The following PREX2 variants were observed in gnomAD, a reference collection of about 807,000 sequenced individuals.
The protein encoded by PREX2 is phosphatidylinositol-3,4,5-trisphosphate dependent Rac exchange factor 2, also known as phosphatidylinositol 3,4,5-trisphosphate-dependent Rac exchanger 2 protein.
A neutral mutation model predicts 203.2 loss-of-function variants in PREX2; 107 were observed. That is an observed-to-expected ratio of 0.53 (90% CI 0.45 to 0.62). PREX2 has a LOEUF of 0.62. PREX2 is among the 20% of genes least tolerant of loss of function. PREX2 has a pLI of 0.00. For synonymous variants in PREX2, 672 were observed against 663.6 expected (o/e 1.01, Z -0.19); for missense variants, 1,777 against 1,955.9 (o/e 0.91, Z 1.72).
chr8:67,972,158 G>A lies in PREX2; in HGVS notation c.141+19623G>A, dbSNP rs191350794. Among the ~76,000 whole-genome samples the A allele has an allele frequency of 2.2e-3, 334 of 152,288 alleles. 1 individual carries two copies. The highest frequency in any genetic ancestry group is 7.1e-3 in the African/African-American group (293 of 41,556). On this transcript the variant is annotated intron_variant, in intron 1 of 39. Coordinates refer to ENST00000288368, the MANE Select transcript of PREX2 (RefSeq NM_024870.4). ...AAAGATATAATTAAAGTTCACTGCC[G>A]TGAGGGGCTCAGGTGTCTTTACTTT...
At position 68,236,519 on chromosome 8, in the gene PREX2, A is replaced by G. The variant is rs1480574835; in HGVS notation, c.*5141A>G. On this transcript the variant is annotated 3_prime_UTR_variant, in exon 40 of 40. Transcript: ENST00000288368. ...ACACAAACCTAATATCATATATACA[A>G]ATATACTGTATGTAGCCAAGAACAC... 1.7e-4 allele frequency: 26 copies of G among 152,170 alleles called. No homozygotes were observed. Among genetic ancestry groups the G allele is most frequent in the Admixed American group, 1.7e-3 (26 of 15,264 alleles). The allele number at this position is 152,170 out of a possible 1,614,324, so 9.4% of individuals were successfully genotyped here. A position where few individuals can be genotyped will look rare whatever the true frequency, so the allele number is the denominator to read the frequency against.
intron 19 of PREX2, among the ~76,000 whole-genome samples, chr8:68,088,168 T>G (rs1161808191): frequency 1.3e-5 from 2 of 152,210 alleles, no homozygotes; most frequent in Non-Finnish European, 1.5e-5. Context: ...AGGTTTAAAG[T>G]TGATCTGTGG....
At chr8:67,961,120 T>G (rs1294063571) in intron 1 of PREX2, among the ~76,000 whole-genome samples, 1 of 151,954 alleles carries the variant, frequency 6.6e-6, no homozygotes, top group Non-Finnish European at 1.5e-5. Context: ...GTGATTATAG[T>G]TTCCTCAGCA....
intron 33 of PREX2, among the ~76,000 whole-genome samples, chr8:68,145,107 CTTTAT>C (rs1466011738): frequency 6.6e-6 from 1 of 151,944 alleles, no homozygotes; most frequent in African/African-American, 2.4e-5. Flanking sequence ...TTCTTTTAGT[CTTTAT>C]TTTAGAAATC....
intron 1 of PREX2, among the ~76,000 whole-genome samples, chr8:68,003,986 C>T (rs1252142596): frequency 6.6e-6 from 1 of 151,806 alleles, no homozygotes; most frequent in Non-Finnish European, 1.5e-5. Context: ...GTAGCTGGGA[C>T]TACAGGCGTG....
At chr8:67,991,696 C>T (rs1377351508) in intron 1 of PREX2, among the ~76,000 whole-genome samples, 1 of 152,102 alleles carries the variant, frequency 6.6e-6, no homozygotes, top group Non-Finnish European at 1.5e-5. Flanking sequence ...GATTACAATT[C>T]AAGACGAGAT....
chr8:68,199,468 G>A (rs116340100), intron 37 of PREX2, among the ~76,000 whole-genome samples: 1,794 of 152,278 alleles, frequency 0.012, 37 homozygotes, highest in African/African-American at 0.04. Context: ...GCTCTACCGA[G>A]CCTTCTCCCA....
intron 39 of PREX2, among the ~76,000 whole-genome samples, chr8:68,229,473 C>T (rs1813123618): frequency 6.6e-6 from 1 of 152,188 alleles, no homozygotes; most frequent in African/African-American, 2.4e-5. Flanking sequence ...TCCCAAAGCT[C>T]TGCAATTTCC....
intron 12 of PREX2, among the ~76,000 whole-genome samples, chr8:68,069,499 A>G (rs1170793844): frequency 6.8e-6 from 1 of 146,910 alleles, no homozygotes; most frequent in Non-Finnish European, 1.5e-5. Flanking sequence ...TTGTTGATAT[A>G]TGATGAACAA....
intron 30 of PREX2, among the ~76,000 whole-genome samples, chr8:68,121,464 G>A (rs1434758): frequency 0.47 from 71,798 of 151,826 alleles, 17,530 homozygotes; most frequent in African/African-American, 0.58. Context: ...TTGCATCATT[G>A]ATTTTTAAGT....
At chr8:68,126,168 C>G (rs955302731) in intron 30 of PREX2, among the ~76,000 whole-genome samples, 1 of 152,036 alleles carries the variant, frequency 6.6e-6, no homozygotes, top group Non-Finnish European at 1.5e-5. Flanking sequence ...CAAAATCTCT[C>G]AATCTTAGAA....
In PREX2 at chr8:68,234,050, T is replaced by C. The variant is rs1813220265; in HGVS notation, c.*2672T>C. The C allele has an allele frequency of 6.6e-6, 1 of 152,210 alleles. No homozygotes were observed. The highest frequency in any genetic ancestry group is 2.4e-5 in the African/African-American group (1 of 41,458). The allele number at this position is 152,210 out of a possible 1,614,324, so 9.4% of individuals were successfully genotyped here. On this transcript the variant is annotated 3_prime_UTR_variant, in exon 40 of 40. Coordinates refer to ENST00000288368, the MANE Select transcript of PREX2 (RefSeq NM_024870.4). ...CACATTTTGAGGTAACTCAACAGTG[T>C]TGCAATCTGAAAAACTATTTTGTAT...
At chr8:67,952,632 G>T in intron 1 of PREX2, 97 bp downstream of exon 1, 1 of 1,499,258 alleles carries the variant, frequency 6.7e-7, no homozygotes, top group Non-Finnish European at 9.1e-7. Context: ...GTCTGTGCGG[G>T]GACCCGGGAC....
rs766452542 is a variant in PREX2, at chr8:68,097,002, T to C, written c.2369-15T>C. ...CCTTCATGAATTTACTGAGTTACAG[T>C]TGTCTTTGTTCCAGAGGTTATTGAC... On this transcript the variant is annotated splice_polypyrimidine_tract_variant and intron_variant, in intron 21 of 39. Coordinates refer to ENST00000288368, the MANE Select transcript of PREX2 (RefSeq NM_024870.4). 15 of 1,604,836 alleles carry C rather than the reference T, an allele frequency of 9.3e-6. No homozygotes were observed. Among genetic ancestry groups the C allele is most frequent in the Non-Finnish European group, 1.2e-5 (14 of 1,172,660 alleles).
chr8:67,982,901 G>C (rs1056376446), intron 1 of PREX2, among the ~76,000 whole-genome samples: 1 of 152,140 alleles, frequency 6.6e-6, no homozygotes. Flanking sequence ...CTCTCCAATA[G>C]ACCTCATGCT....
At chr8:68,110,414 T>C (rs1343086116) in intron 25 of PREX2, among the ~76,000 whole-genome samples, 5 of 152,220 alleles carry the variant, frequency 3.3e-5, no homozygotes, top group Non-Finnish European at 7.3e-5. Flanking sequence ...TCATGAAAAT[T>C]ATACAAATTA....
intron 1 of PREX2, among the ~76,000 whole-genome samples, chr8:67,960,788 G>C (rs1204878608): frequency 6.6e-6 from 1 of 152,048 alleles, no homozygotes; most frequent in Non-Finnish European, 1.5e-5. Flanking sequence ...GAAGAGAACC[G>C]TAATGATTTG....
intron 1 of PREX2, among the ~76,000 whole-genome samples, chr8:67,972,200 C>T (rs1037574352): frequency 1.3e-5 from 2 of 152,278 alleles, no homozygotes; most frequent in African/African-American, 4.8e-5. Context: ...AATGAGTAAT[C>T]GCCCTTGATT....
intron 31 of PREX2, among the ~76,000 whole-genome samples, chr8:68,129,472 T>G (rs972910067): frequency 1.3e-5 from 2 of 152,164 alleles, no homozygotes; most frequent in African/African-American, 2.4e-5. Flanking sequence ...GCTGCGAAAT[T>G]ATGTTTATTT....
Sources: allele counts gnomAD v4.1 joint callset (sites outside exome capture counted in the v4.1 genomes callset), GRCh38; gene constraint gnomAD v4.1.1; transcripts MANE v1.5; gene names NCBI Gene and HGNC (gene_info 2026-07-23, HGNC 2026-07-21).